EPHB1: variants seen among roughly 807,000 people sequenced by gnomAD.
The protein encoded by EPHB1 is EPH receptor B1.
A neutral mutation model predicts 94.4 loss-of-function variants in EPHB1; 30 were observed. That is an observed-to-expected ratio of 0.32 (90% CI 0.24 to 0.43). The LOEUF is 0.43. EPHB1 is among the 20% of genes least tolerant of loss of function. The probability of loss-of-function intolerance (pLI) is 1.00; values close to 1 mark genes in which losing one functional copy is unlikely to be tolerated. For missense variants in EPHB1, 1,055 were observed against 1,308.3 expected (o/e 0.81, Z 2.99); for synonymous variants, 522 against 489.1 (o/e 1.07, Z -0.89).
At chr3:135,130,051 G>T (rs982075704) in intron 4 of EPHB1, among the ~76,000 whole-genome samples, 1 of 152,218 alleles carries the variant, frequency 6.6e-6, no homozygotes, top group Non-Finnish European at 1.5e-5. Context: ...TTGTGCAGAA[G>T]AACGCTATGA....
intron 3 of EPHB1, among the ~76,000 whole-genome samples, chr3:135,091,835 C>G (rs1938568977): frequency 6.6e-6 from 1 of 152,168 alleles, no homozygotes; most frequent in Non-Finnish European, 1.5e-5. Context: ...GCAGACCTGG[C>G]TGACCTATGT....
intron 5 of EPHB1, among the ~76,000 whole-genome samples, chr3:135,151,864 A>C (rs1941205486): frequency 6.6e-6 from 1 of 152,366 alleles, no homozygotes; most frequent in African/African-American, 2.4e-5. Context: ...CTCTACAGAC[A>C]AAAGATGAGG....
chr3:135,183,000 C>G (rs1043612508), intron 10 of EPHB1, among the ~76,000 whole-genome samples: 1 of 65,588 alleles, frequency 1.5e-5, no homozygotes, highest in Non-Finnish European at 3.3e-5. Flanking sequence ...CTTTTCTTTT[C>G]TTTTCTTTTC....
intron 2 of EPHB1, among the ~76,000 whole-genome samples, chr3:134,947,846 G>A (rs1318808919): frequency 6.6e-6 from 1 of 152,182 alleles, no homozygotes; most frequent in Non-Finnish European, 1.5e-5. Context: ...CCAGGCTGGA[G>A]TACAGTGGTG....
chr3:135,056,885 TG>T (rs1937364943), intron 3 of EPHB1, among the ~76,000 whole-genome samples: 1 of 152,146 alleles, frequency 6.6e-6, no homozygotes, highest in Non-Finnish European at 1.5e-5. Context: ...GCTGCCATGC[TG>T]GGAGAAGATT....
chr3:135,069,751 T>G (rs759893136), intron 3 of EPHB1, among the ~76,000 whole-genome samples: 2 of 152,196 alleles, frequency 1.3e-5, no homozygotes. Context: ...CTTTCAGTAC[T>G]TGCTCTGAAG....
At position 135,041,976 on chromosome 3, in the gene EPHB1, C is replaced by T. The variant is rs148661194; in HGVS notation, c.806-64472C>T. On this transcript the variant is annotated intron_variant, in intron 3 of 15. Coordinates refer to ENST00000398015, the MANE Select transcript of EPHB1 (RefSeq NM_004441.5). ...CTGAGACAGGGTCTCACTCTGTCACCTAGGGTGGAGTACAGTGGCATGACC... is the reference window on the plus strand; with the variant it reads ...CTGAGACAGGGTCTCACTCTGTCACTTAGGGTGGAGTACAGTGGCATGACC... Among the ~76,000 whole-genome samples, 1,355 of 152,282 alleles carry T rather than the reference C, an allele frequency of 8.9e-3. 7 individuals carry two copies. The highest frequency in any genetic ancestry group is 0.012 in the Admixed American group (179 of 15,300).
intron 1 of EPHB1, chr3:134,824,028 A>G (rs1344162327): frequency 1.3e-5 from 2 of 152,028 alleles, no homozygotes; most frequent in African/African-American, 2.4e-5. Context: ...CATGGGTTTT[A>G]TGAACCATGA....
chr3:135,169,186 G>C (rs898324445), intron 9 of EPHB1, among the ~76,000 whole-genome samples: 1 of 152,114 alleles, frequency 6.6e-6, no homozygotes. Context: ...AGATTTTACT[G>C]GTTCCTGAGA....
At chr3:134,950,583 G>A (rs931251661) in intron 2 of EPHB1, among the ~76,000 whole-genome samples, 10 of 152,194 alleles carry the variant, frequency 6.6e-5, no homozygotes, top group African/African-American at 2.4e-4. Context: ...GGCCAGGGGA[G>A]CCAGCATGTC....
At chr3:135,256,636 C>G (rs1933405392) in intron 15 of EPHB1, among the ~76,000 whole-genome samples, 1 of 152,192 alleles carries the variant, frequency 6.6e-6, no homozygotes, top group African/African-American at 2.4e-5. Flanking sequence ...ACCTTTCTCT[C>G]TGGCTGCCCT....
At chr3:134,904,597 G>A (rs1208116040) in intron 1 of EPHB1, among the ~76,000 whole-genome samples, 1 of 152,144 alleles carries the variant, frequency 6.6e-6, no homozygotes, top group African/African-American at 2.4e-5. Flanking sequence ...CTCTGCATGG[G>A]AAAAAGTTCA....
intron 12 of EPHB1, among the ~76,000 whole-genome samples, chr3:135,216,083 T>C (rs1943142500): frequency 6.6e-6 from 1 of 152,186 alleles, no homozygotes; most frequent in East Asian, 1.9e-4. Flanking sequence ...CAGACCACAC[T>C]TGGGCTCCAG....
intron 1 of EPHB1, among the ~76,000 whole-genome samples, chr3:134,850,925 G>T (rs1318728849): frequency 1.3e-5 from 2 of 152,256 alleles, no homozygotes; most frequent in Non-Finnish European, 1.5e-5. Context: ...CTTCCCCATG[G>T]GGGCAGCAGA....
intron 1 of EPHB1, among the ~76,000 whole-genome samples, chr3:134,832,393 G>A (rs1418370082): frequency 6.6e-6 from 1 of 152,156 alleles, no homozygotes; most frequent in Non-Finnish European, 1.5e-5. Flanking sequence ...AGAAATCTGG[G>A]ACAGATCATG....
chr3:135,195,977 C>T (rs1036910306), intron 11 of EPHB1, among the ~76,000 whole-genome samples: 1 of 133,884 alleles, frequency 7.5e-6, no homozygotes, highest in African/African-American at 3.0e-5. Flanking sequence ...CCTATTTCTC[C>T]ACATCCTCTC....
At chr3:135,181,159 C>T (rs1942142796) in intron 10 of EPHB1, among the ~76,000 whole-genome samples, 1 of 152,078 alleles carries the variant, frequency 6.6e-6, no homozygotes, top group Admixed American at 6.5e-5. Context: ...AGAGTCTGTC[C>T]CATTAGGCCG....
At chr3:135,076,995 G>A (rs910598828) in intron 3 of EPHB1, among the ~76,000 whole-genome samples, 2 of 152,114 alleles carry the variant, frequency 1.3e-5, no homozygotes, top group African/African-American at 4.8e-5. Flanking sequence ...AAATTTAATT[G>A]TGGTGAGAAC....
intron 1 of EPHB1, among the ~76,000 whole-genome samples, chr3:134,908,570 C>T (rs1044336422): frequency 2.6e-5 from 4 of 152,184 alleles, no homozygotes; most frequent in South Asian, 4.1e-4. Flanking sequence ...GCTCCACCAG[C>T]GTGGTGAGGA....
Sources: allele counts gnomAD v4.1 joint callset (sites outside exome capture counted in the v4.1 genomes callset), GRCh38; gene constraint gnomAD v4.1.1; transcripts MANE v1.5; gene names NCBI Gene and HGNC (gene_info 2026-07-23, HGNC 2026-07-21).